Variants in PCDHGB1 observed in about 807,000 individuals in gnomAD.
PCDHGB1 encodes the protein protocadherin gamma subfamily B, 1, also known as protocadherin gamma-B1.
Under a neutral mutation model 56.6 loss-of-function variants are expected in PCDHGB1, and 34 were observed. The observed-to-expected ratio is 0.60, with a 90% CI of 0.46 to 0.80. The LOEUF (loss-of-function observed/expected upper bound fraction) is 0.80, where lower values mean the gene tolerates loss of function less well. Among genes scored for constraint, PCDHGB1 ranks in the 30% least tolerant of loss-of-function variants. The pLI is 0.00. For missense variants in PCDHGB1, 1,278 were observed against 1,204.6 expected, an observed-to-expected ratio of 1.06 and a Z score of -0.90; for synonymous variants, 561 against 505.9, an observed-to-expected ratio of 1.11 and a Z score of -1.46.
chr5:141,472,465 A>C (rs886879646), intron 1 of PCDHGB1, among the ~76,000 whole-genome samples: 4 of 152,032 alleles, frequency 2.6e-5, no homozygotes, highest in Non-Finnish European at 5.9e-5. Flanking sequence ...GCTTGAACCC[A>C]GAAGGCAGAG....
At chr5:141,464,263 TAA>T (rs35224477) in intron 1 of PCDHGB1, among the ~76,000 whole-genome samples, 15 of 103,552 alleles carry the variant, frequency 1.4e-4, no homozygotes, top group Admixed American at 3.2e-4. Context: ...AGACTCCGTC[TAA>T]AAAAAAAAAA....
intron 1 of PCDHGB1, among the ~76,000 whole-genome samples, chr5:141,480,386 A>G (rs966068994): frequency 6.6e-6 from 1 of 151,826 alleles, no homozygotes; most frequent in Non-Finnish European, 1.5e-5. Context: ...CTACACTTCA[A>G]CCATGGCAAT....
intron 1 of PCDHGB1, among the ~76,000 whole-genome samples, chr5:141,369,837 A>G (rs1029246557): frequency 2.6e-5 from 4 of 152,164 alleles, no homozygotes; most frequent in Non-Finnish European, 5.9e-5. Flanking sequence ...ATGATTTTCT[A>G]TGTATTATTT....
At chr5:141,415,416 G>C (rs747598923) in intron 1 of PCDHGB1, 3 of 1,614,220 alleles carry the variant, frequency 1.9e-6, no homozygotes, top group Non-Finnish European at 2.5e-6. Flanking sequence ...TTGTGGGCGT[G>C]GACGGGGTTC....
chr5:141,444,800 A>G (rs1294854513), intron 1 of PCDHGB1, among the ~76,000 whole-genome samples: 1 of 152,078 alleles, frequency 6.6e-6, no homozygotes, highest in East Asian at 1.9e-4. Flanking sequence ...CTATTCTTTT[A>G]CTAATAGCAC....
intron 2 of PCDHGB1, among the ~76,000 whole-genome samples, chr5:141,503,950 C>T (rs1216385793): frequency 3.3e-5 from 5 of 152,180 alleles, no homozygotes; most frequent in Non-Finnish European, 7.3e-5. Flanking sequence ...CAAGGCCTAC[C>T]CTACAGCCTT....
intron 1 of PCDHGB1, chr5:141,399,788 A>T: frequency 6.2e-7 from 1 of 1,613,174 alleles, no homozygotes; most frequent in South Asian, 1.1e-5. Context: ...CGAAACGACA[A>T]CGCACCGCGG....
At chr5:141,383,599 G>C in intron 1 of PCDHGB1, 1 of 1,613,742 alleles carries the variant, frequency 6.2e-7, no homozygotes. Context: ...GACAGTGGTG[G>C]ATGTGAATGA....
intron 1 of PCDHGB1, among the ~76,000 whole-genome samples, chr5:141,472,400 G>A (rs2099279115): frequency 6.6e-6 from 1 of 152,024 alleles, no homozygotes; most frequent in East Asian, 1.9e-4. Flanking sequence ...AATTAGCCAG[G>A]CGTGGTGGCA....
chr5:141,359,398 T>A (rs913400930), intron 1 of PCDHGB1, among the ~76,000 whole-genome samples: 8 of 152,004 alleles, frequency 5.3e-5, no homozygotes, highest in Non-Finnish European at 7.4e-5. Flanking sequence ...TAAAATCAAA[T>A]TTTTTAAAAA....
At chr5:141,357,344 A>G in intron 1 of PCDHGB1, 1 of 1,614,080 alleles carries the variant, frequency 6.2e-7, no homozygotes, top group Non-Finnish European at 8.5e-7. Context: ...CTAGCACTCA[A>G]GCTGAGACGC....
chr5:141,364,847 A>G (rs572371084), intron 1 of PCDHGB1: 2 of 1,614,006 alleles, frequency 1.2e-6, no homozygotes, highest in Admixed American at 1.7e-5. Flanking sequence ...TTACCAGCTC[A>G]GCTCCAATCT....
intron 1 of PCDHGB1, chr5:141,355,582 G>A: frequency 6.2e-7 from 1 of 1,613,982 alleles, no homozygotes; most frequent in East Asian, 2.2e-5. Flanking sequence ...CGATGTTAAT[G>A]ATAACCCACC....
chr5:141,458,366 GGAGAA>G (rs1437271099), intron 1 of PCDHGB1, among the ~76,000 whole-genome samples: 1 of 152,090 alleles, frequency 6.6e-6, no homozygotes, highest in African/African-American at 2.4e-5. Flanking sequence ...AAGAAGGAAG[GGAGAA>G]GAGAGAAGGA....
chr5:141,411,237 T>C (rs1472710660), intron 1 of PCDHGB1: 1 of 152,116 alleles, frequency 6.6e-6, no homozygotes, highest in Non-Finnish European at 1.5e-5. Flanking sequence ...GAAGACTTAG[T>C]GAATTTACGA....
intron 1 of PCDHGB1, chr5:141,394,095 G>C (rs1222166545): frequency 1.9e-6 from 3 of 1,613,848 alleles, no homozygotes; most frequent in Non-Finnish European, 2.5e-6. Flanking sequence ...CTCAGATCTA[G>C]GAACACCACC....
chr5:141,362,243 T>C (rs1431406827), intron 1 of PCDHGB1: 1 of 1,613,912 alleles, frequency 6.2e-7, no homozygotes, highest in Non-Finnish European at 8.5e-7. Context: ...TCAGTGCTCT[T>C]CTTCCTCGCG....
intron 1 of PCDHGB1, chr5:141,400,192 G>T (rs1411721247): frequency 6.2e-7 from 1 of 1,614,088 alleles, no homozygotes; most frequent in South Asian, 1.1e-5. Flanking sequence ...GTTTTACCTA[G>T]TGGTGGCCTT....
At chr5:141,398,675 A>C (rs1462726875) in intron 1 of PCDHGB1, 1 of 1,613,974 alleles carries the variant, frequency 6.2e-7, no homozygotes, top group Non-Finnish European at 8.5e-7. Flanking sequence ...TTAATAATTA[A>C]GGAGAAACAG....
Sources: allele counts gnomAD v4.1 joint callset (sites outside exome capture counted in the v4.1 genomes callset), GRCh38; gene constraint gnomAD v4.1.1; transcripts MANE v1.5; gene names NCBI Gene and HGNC (gene_info 2026-07-23, HGNC 2026-07-21).